The following SLC6A5 variants were observed in gnomAD, a reference collection of about 807,000 sequenced individuals.
SLC6A5 encodes solute carrier family 6 member 5.
Under a neutral mutation model 90.5 loss-of-function variants are expected in SLC6A5, and 58 were observed. That is an observed-to-expected ratio of 0.64 (90% CI 0.52 to 0.80). The LOEUF is 0.80. Ranked by LOEUF, SLC6A5 falls within the 30% of genes least tolerant of loss-of-function variation. The pLI is 0.00. For synonymous variants in SLC6A5, 427 were observed against 401.4 expected (o/e 1.06, Z -0.76); for missense variants, 1,015 against 1,017.6 (o/e 1.00, Z 0.03).
At chr11:20,630,903 C>A in intron 10 of SLC6A5, 88 bp downstream of exon 10, 2 of 1,473,870 alleles carry the variant, frequency 1.4e-6, no homozygotes, top group Non-Finnish European at 1.9e-6. Flanking sequence ...GGGAAGCTGG[C>A]CTTCTGGAAC....
chr11:20,604,663 C>A (rs564998639), intron 3 of SLC6A5, among the ~76,000 whole-genome samples: 54 of 152,142 alleles, frequency 3.5e-4, no homozygotes, highest in Non-Finnish European at 7.2e-4. Context: ...GGAGTGAGAA[C>A]CCACAAACCC....
chr11:20,610,827 C>T (rs1852680098), intron 5 of SLC6A5, among the ~76,000 whole-genome samples: 1 of 152,168 alleles, frequency 6.6e-6, no homozygotes. Flanking sequence ...TTAGTTGTTG[C>T]AGCTGGGTGG....
chr11:20,607,542 G>T lies in SLC6A5; in HGVS notation c.875G>T (p.Cys292Phe), dbSNP rs780023220. The part of the protein sequence containing the change: ...LIAIYYNVII[C>F]YTLFYLFASF... Reference sequence around the variant, plus strand: ...GCCATATACTACAATGTGATTATTTGCTATACACTTTTCTACCTGTTTGCC... The same window carrying T: ...GCCATATACTACAATGTGATTATTTTCTATACACTTTTCTACCTGTTTGCC... The change falls in exon 5 of 16, where the codon TGC (cysteine) becomes TTC (phenylalanine). Residue 292 changes from cysteine to phenylalanine, a missense_variant. Around this residue, in one of 3 missense-constraint regions of SLC6A5, gnomAD observed 567 missense variants for 507.3 expected, o/e 1.12. Coordinates refer to ENST00000525748, the MANE Select transcript of SLC6A5 (RefSeq NM_004211.5). 1.2e-6 allele frequency: 2 copies of T among 1,614,074 alleles called. No individual in the cohort carries two copies. Among genetic ancestry groups the T allele is most frequent in the Non-Finnish European group, 1.7e-6 (2 of 1,179,994 alleles).
intron 9 of SLC6A5, 151 bp downstream of exon 9, chr11:20,628,234 G>T: frequency 4.2e-6 from 3 of 708,042 alleles, no homozygotes; most frequent in Admixed American, 2.1e-5. Flanking sequence ...ACCTGCTAAG[G>T]CCTAGGCACT....
chr11:20,604,675 C>G (rs2133772053), intron 3 of SLC6A5, among the ~76,000 whole-genome samples: 1 of 152,284 alleles, frequency 6.6e-6, no homozygotes, highest in South Asian at 2.1e-4. Context: ...CACAAACCCC[C>G]ACTGACCCAG....
intron 14 of SLC6A5, 111 bp from the exon 15 acceptor site, chr11:20,652,178 A>G (rs1853546012): frequency 8.2e-6 from 8 of 970,692 alleles, no homozygotes; most frequent in South Asian, 5.2e-5. Flanking sequence ...TTTCGTGGGT[A>G]TAGAATAATA....
intron 9 of SLC6A5, among the ~76,000 whole-genome samples, chr11:20,628,633 G>T (rs1321429373): frequency 6.6e-6 from 1 of 152,216 alleles, no homozygotes; most frequent in Non-Finnish European, 1.5e-5. Context: ...GGAGTGGTAG[G>T]AAGACACAAT....
intron 1 of SLC6A5, 94 bp from the exon 2 acceptor site, chr11:20,601,035 T>C: frequency 7.7e-7 from 1 of 1,294,850 alleles, no homozygotes; most frequent in Non-Finnish European, 1.0e-6. Context: ...ATATTGTGTC[T>C]GGACCTGAGT....
intron 6 of SLC6A5, among the ~76,000 whole-genome samples, chr11:20,617,360 T>A (rs983243031): frequency 1.6e-4 from 24 of 152,214 alleles, no homozygotes; most frequent in African/African-American, 5.1e-4. Context: ...CCAGAATAAA[T>A]TCTCATAAAA....
chr11:20,647,306 ATTATATAG>A (rs1323775372), intron 14 of SLC6A5, among the ~76,000 whole-genome samples: 26 of 144,492 alleles, frequency 1.8e-4, no homozygotes, highest in South Asian at 6.5e-4. Context: ...AGGAATTCCT[ATTATATAG>A]TTATATAGTT....
At chr11:20,653,552 C>T (rs1013172018) in intron 15 of SLC6A5, among the ~76,000 whole-genome samples, 3 of 152,180 alleles carry the variant, frequency 2.0e-5, no homozygotes, top group Admixed American at 1.3e-4. Context: ...GCATGTGGTA[C>T]GTGCACAACA....
intron 13 of SLC6A5, among the ~76,000 whole-genome samples, chr11:20,646,531 T>C (rs1853418573): frequency 6.6e-6 from 1 of 152,228 alleles, no homozygotes; most frequent in South Asian, 2.1e-4. Context: ...TGTCAGGTTG[T>C]AGCAATGCTG....
rs1218608422 is a variant in SLC6A5, at chr11:20,601,186, G to A, written c.61G>A (p.Ala21Thr). 37 of 1,587,016 alleles carry A rather than the reference G, an allele frequency of 2.3e-5. No homozygotes were observed. Among genetic ancestry groups the A allele is most frequent in the Non-Finnish European group, 3.1e-5 (37 of 1,174,794 alleles). Residue 21 changes from alanine (A) to threonine (T), a missense_variant, in exon 2 of 16, where the codon GCG (alanine) becomes ACG (threonine). Around this residue, in one of 3 missense-constraint regions of SLC6A5, gnomAD observed 567 missense variants for 507.3 expected, o/e 1.12. Transcript: ENST00000525748. ...KLPANSPEAA[A>T]AQGHPDGPCA... ...GCCAGCCAACAGCCCGGAGGCGGCGGCGGCGCAGGGCCACCCGGATGGCCC... is the reference window on the plus strand; with the variant it reads ...GCCAGCCAACAGCCCGGAGGCGGCGACGGCGCAGGGCCACCCGGATGGCCC...
intron 10 of SLC6A5, among the ~76,000 whole-genome samples, chr11:20,635,930 TGGTTG>T (rs1853196386): frequency 1.3e-5 from 2 of 152,210 alleles, no homozygotes; most frequent in Admixed American, 6.5e-5. Flanking sequence ...AAATCACTGC[TGGTTG>T]AGTACTACTG....
intron 10 of SLC6A5, among the ~76,000 whole-genome samples, chr11:20,633,518 G>A (rs1018033995): frequency 6.6e-6 from 1 of 152,146 alleles, no homozygotes; most frequent in Non-Finnish European, 1.5e-5. Context: ...GCTGTGCCAT[G>A]GGCCTTGATG....
In SLC6A5 at chr11:20,608,940, CTCTCTCTCTCTCTCTCTCTGTGTG is replaced by C. The variant is rs1339720151; in HGVS notation, c.985+1290_985+1313del. ...TCTGTCTGTCTCTCTCTCTCTCTCT[CTCTCTCTCTCTCTCTCTCTGTGTG>C]TGTGTGTGTGTGTGTGTGTGTGTGT... On this transcript the variant is annotated intron_variant, in intron 5 of 15. Transcript: ENST00000525748. 6.4e-5 allele frequency among the ~76,000 whole-genome samples: 8 copies of C among 125,184 alleles called. No homozygotes were observed. In the East Asian group the frequency reaches 1.2e-3, roughly 18 times the overall value. The allele number at this position is 125,184 out of a possible 152,430, so 82.1% of individuals were successfully genotyped here.
chr11:20,614,263 C>T (rs998576869), intron 5 of SLC6A5, among the ~76,000 whole-genome samples: 47 of 152,262 alleles, frequency 3.1e-4, no homozygotes, highest in East Asian at 1.2e-3. Flanking sequence ...GATCTGAGTT[C>T]GAATCCTGAT....
chr11:20,654,818 T>C lies in SLC6A5; in HGVS notation c.2344T>C (p.Leu782=), dbSNP rs765305254. ...NMIDPLGTSS[L]GLKLPVKDLE... ...GATCGACCCCTTGGGAACCTCTTCC[T>C]TGGGACTCAAACTGCCAGTGAAGGA... Residue 782 remains leucine (L), a synonymous_variant, in exon 16 of 16, where the codon TTG becomes CTG. Transcript: ENST00000525748. 2 of 1,614,180 alleles carry C rather than the reference T, an allele frequency of 1.2e-6. No individual in the cohort carries two copies. The highest frequency in any genetic ancestry group is 8.5e-7 in the Non-Finnish European group (1 of 1,180,024).
intron 13 of SLC6A5, among the ~76,000 whole-genome samples, chr11:20,639,134 G>A (rs796258792): frequency 2.6e-5 from 4 of 152,272 alleles, no homozygotes; most frequent in African/African-American, 9.6e-5. Flanking sequence ...TATCAGTGGG[G>A]CCATTATCAA....
Sources: gnomAD v4.1 joint callset for allele counts (sites outside exome capture counted in the v4.1 genomes callset) on GRCh38, gnomAD v4.1.1 for gene constraint, gnomAD v4.1.1 regional missense constraint, MANE v1.5 for transcripts, NCBI Gene and HGNC (gene_info 2026-07-23, HGNC 2026-07-21) for gene names.